RPL31: variants seen among roughly 807,000 people sequenced by gnomAD.
The protein encoded by RPL31 is ribosomal protein L31.
For synonymous variants in RPL31, 51 were observed against 55.0 expected (o/e 0.93, Z 0.32); for missense variants, 95 against 164.0 (o/e 0.58, Z 2.30).
At chr2:101,013,840 CA>C (rs1679417126) in intron 4 of RPL31, among the ~76,000 whole-genome samples, 1 of 152,212 alleles carries the variant, frequency 6.6e-6, no homozygotes, top group Non-Finnish European at 1.5e-5. Context: ...CAGTAATCAT[CA>C]AAATAATCCC....
At chr2:101,010,670 G>A (rs994172661), downstream of RPL31, among the ~76,000 whole-genome samples, 2 of 151,896 alleles carry the variant, frequency 1.3e-5, no homozygotes, top group Non-Finnish European at 2.9e-5. Flanking sequence ...AGATCACAAG[G>A]TGAGAAGTTC....
downstream of RPL31, among the ~76,000 whole-genome samples, chr2:101,009,396 ACT>A (rs756017736): frequency 1.3e-4 from 18 of 141,446 alleles, no homozygotes; most frequent in East Asian, 2.0e-3. Context: ...ACAGAGTGAG[ACT>A]CTGTCTCCAA....
downstream of RPL31, chr2:101,008,064 A>G (rs78831774): frequency 7.3e-3 from 11,747 of 1,613,946 alleles, 96 homozygotes; most frequent in South Asian, 0.011. Flanking sequence ...CAGTGTCTGC[A>G]AAAACCGAGT....
At chr2:101,007,698 T>G (rs1445809219), downstream of RPL31, 11 of 989,278 alleles carry the variant, frequency 1.1e-5, no homozygotes, top group African/African-American at 3.3e-5. Flanking sequence ...TTTGTCAGGT[T>G]GTTTAGCCAG....
chr2:101,019,168 AG>A lies in RPL31; in HGVS notation c.*132del, dbSNP rs1679872995. On this transcript the variant is annotated 3_prime_UTR_variant, in exon 5 of 5. Transcript: ENST00000409028. ...TCCCATATTACCCTGGCAGAGGGCC[AG>A]GCCTGTTCTACACGGCCGGGGTTTC... 2.3e-6 allele frequency: 3 copies of A among 1,304,248 alleles called. No individual in the cohort carries two copies. The African/African-American group carries it at 4.4e-5, about 19-fold the overall frequency. The allele number at this position is 1,304,248 out of a possible 1,614,324, so 80.8% of individuals were successfully genotyped here.
At chr2:101,013,951 C>T (rs948064458) in intron 4 of RPL31, among the ~76,000 whole-genome samples, 2 of 152,180 alleles carry the variant, frequency 1.3e-5, no homozygotes, top group African/African-American at 2.4e-5. Flanking sequence ...CGAGGCCCTG[C>T]GCTTGGATTA....
downstream of RPL31, among the ~76,000 whole-genome samples, chr2:101,009,406 C>CA (rs70943054): frequency 0.013 from 1,288 of 97,386 alleles, 13 homozygotes; most frequent in African/African-American, 0.037. Flanking sequence ...ACTCTGTCTC[C>CA]AAAAAAAAAA....
intron 4 of RPL31, chr2:101,018,167 C>T (rs1679792654): frequency 2.3e-6 from 1 of 432,830 alleles, no homozygotes; most frequent in East Asian, 3.6e-5. Flanking sequence ...TATTGCTGTA[C>T]TAATCTATAA....
At position 101,016,133 on chromosome 2, in the gene RPL31, C is replaced by G. The variant is rs546561154; in HGVS notation, c.347-2865C>G. ...AAAGAAACTACCATCAGAGTGAACA[C>G]GCAATCTTCAAAATGGGAGAAAATT... On this transcript the variant is annotated intron_variant, in intron 4 of 4. Coordinates refer to the RPL31 transcript ENST00000409028. Among the ~76,000 whole-genome samples the G allele has an allele frequency of 8.5e-5, 13 of 152,112 alleles. 1 individual carries two copies. The highest frequency in any genetic ancestry group is 2.1e-4 in the South Asian group (1 of 4,828).
chr2:101,007,773 C>T (rs755559831), downstream of RPL31: 38 of 1,564,946 alleles, frequency 2.4e-5, no homozygotes, highest in South Asian at 9.4e-5. Context: ...CAGTCTGGTT[C>T]GTGCTTTGGT....
Position 101,006,746 on chromosome 2 carries a change from A to G in RPL31, c.*365A>G, listed in dbSNP as rs1223564039. Reference sequence around the variant, plus strand: ...ACAACTTTAAAATGATATACTATCTATCTATCTATCTGTAGCATCTTAAAG... The same window carrying G: ...ACAACTTTAAAATGATATACTATCTGTCTATCTATCTGTAGCATCTTAAAG... On this transcript the variant is annotated 3_prime_UTR_variant, in exon 5 of 5. Coordinates refer to ENST00000264258, the MANE Select transcript of RPL31 (RefSeq NM_000993.5). The G allele has an allele frequency of 1.5e-5, 3 of 203,258 alleles. No homozygotes were observed. The highest frequency in any genetic ancestry group is 1.3e-4 in the South Asian group (1 of 7,432). 12.6% of individuals were successfully genotyped at this position (203,258 alleles called of 1,614,324 possible). A position where few individuals can be genotyped will look rare whatever the true frequency, so the allele number is the denominator to read the frequency against.
At chr2:101,002,435 TG>T (rs1190829983) in intron 1 of RPL31, 120 bp downstream of exon 1, 3 of 489,898 alleles carry the variant, frequency 6.1e-6, no homozygotes, top group Admixed American at 3.5e-5. Flanking sequence ...TGTGGGGAGA[TG>T]GGAATACACC....
intron 4 of RPL31, among the ~76,000 whole-genome samples, chr2:101,012,442 A>G (rs932067488): frequency 6.6e-6 from 1 of 152,252 alleles, no homozygotes; most frequent in African/African-American, 2.4e-5. Context: ...GAAGTCGAAC[A>G]TGATACAGCA....
At chr2:101,019,009 A>T in exon 5 of RPL31, 1 of 1,612,696 alleles carries the variant, frequency 6.2e-7, no homozygotes, top group East Asian at 2.2e-5. Flanking sequence ...TTCTGTGCTA[A>T]ACAGTGTTAC....
downstream of RPL31, chr2:101,007,998 A>G (rs1343428694): frequency 1.2e-6 from 2 of 1,614,058 alleles, no homozygotes; most frequent in Non-Finnish European, 8.5e-7. Flanking sequence ...CAAGGGAGAC[A>G]GTCCAGTCCC....
At chr2:101,004,061 A>G in intron 2 of RPL31, 97 bp from the exon 3 acceptor site, 2 of 1,379,178 alleles carry the variant, frequency 1.5e-6, no homozygotes, top group Non-Finnish European at 9.9e-7. Context: ...GCTTAAAGTC[A>G]GTTTCCAGGA....
Position 101,006,842 on chromosome 2 carries a change from T to G in RPL31, c.*461T>G, listed in dbSNP as rs1678762150. 1 of 153,628 alleles carries G rather than the reference T, an allele frequency of 6.5e-6. No homozygotes were observed. The highest frequency in any genetic ancestry group is 2.4e-5 in the African/African-American group (1 of 41,520). The allele number at this position is 153,628 out of a possible 1,614,324, so 9.5% of individuals were successfully genotyped here. Reference sequence around the variant, plus strand: ...ATCCATATTGAGTATAGTTGTTGTCTTCTAAAATAATTAATTGATTTTTGG... The same window carrying G: ...ATCCATATTGAGTATAGTTGTTGTCGTCTAAAATAATTAATTGATTTTTGG... On this transcript the variant is annotated 3_prime_UTR_variant, in exon 5 of 5. Coordinates refer to ENST00000264258, the MANE Select transcript of RPL31 (RefSeq NM_000993.5).
At chr2:101,003,005 C>G (rs1196567515) in intron 2 of RPL31, among the ~76,000 whole-genome samples, 197 bp downstream of exon 2, 1 of 152,150 alleles carries the variant, frequency 6.6e-6, no homozygotes, top group East Asian at 1.9e-4. Flanking sequence ...TCTTTCTGAC[C>G]GCCCCCATTA....
rs151041325 is a variant in RPL31 at position 101,014,048 on chromosome 2, A to G, written c.347-4950A>G. On this transcript the variant is annotated intron_variant, in intron 4 of 4. Coordinates refer to the RPL31 transcript ENST00000409028. ...TTCTCAAGGATCTACTGTAAGAAAA[A>G]TCACTTGAGATGCAACAGCTACTGG... is the stretch of plus-strand genomic sequence containing the variant. 3.1e-3 allele frequency among the ~76,000 whole-genome samples: 478 copies of G among 152,310 alleles called. 1 individual carries two copies. Among genetic ancestry groups the G allele is most frequent in the African/African-American group, 0.011 (454 of 41,568 alleles).
Sources: allele counts gnomAD v4.1 joint callset (sites outside exome capture counted in the v4.1 genomes callset), GRCh38; gene constraint gnomAD v4.1.1; transcripts MANE v1.5; gene names NCBI Gene and HGNC (gene_info 2026-07-23, HGNC 2026-07-21).